Variants in SLC2A13 observed in about 807,000 individuals in gnomAD.
SLC2A13 encodes the protein proton myo-inositol cotransporter.
Under a neutral mutation model 64.4 loss-of-function variants are expected in SLC2A13, and 32 were observed. That is an observed-to-expected ratio of 0.50 (90% CI 0.37 to 0.67). The LOEUF (loss-of-function observed/expected upper bound fraction) is 0.67. SLC2A13 is among the 30% of genes least tolerant of loss of function. The pLI is 0.00. For missense variants in SLC2A13, 743 were observed against 829.2 expected (o/e 0.90, Z 1.28); for synonymous variants, 338 against 327.1 (o/e 1.03, Z -0.36).
At chr12:40,035,730 A>C (rs1947973835) in intron 2 of SLC2A13, among the ~76,000 whole-genome samples, 3 of 152,232 alleles carry the variant, frequency 2.0e-5, no homozygotes, top group Admixed American at 2.0e-4. Context: ...TAAACATAAC[A>C]AAATATTAAC....
At chr12:40,068,620 A>C (rs1299868873) in intron 1 of SLC2A13, 2 of 160,578 alleles carry the variant, frequency 1.2e-5, no homozygotes, top group African/African-American at 4.8e-5. Context: ...GATGGCCCCC[A>C]ACCAAGAACA....
chr12:40,002,895 C>G (rs183136131), intron 3 of SLC2A13, among the ~76,000 whole-genome samples: 102 of 151,840 alleles, frequency 6.7e-4, no homozygotes, highest in African/African-American at 2.4e-3. Flanking sequence ...GCTTTTCACT[C>G]TCCTTGACAG....
chr12:40,063,040 T>C (rs911403564), intron 1 of SLC2A13, among the ~76,000 whole-genome samples: 5 of 152,164 alleles, frequency 3.3e-5, no homozygotes, highest in Admixed American at 6.6e-5. Context: ...CATCTATTTT[T>C]ACAAGTTATT....
intron 7 of SLC2A13, among the ~76,000 whole-genome samples, chr12:39,781,681 T>C (rs1183081160): frequency 6.6e-6 from 1 of 152,240 alleles, no homozygotes; most frequent in Admixed American, 6.5e-5. Flanking sequence ...TTGGAAGTTA[T>C]ATTTTAACAG....
intron 4 of SLC2A13, among the ~76,000 whole-genome samples, chr12:39,930,432 CA>C (rs1945805978): frequency 6.6e-6 from 1 of 152,034 alleles, no homozygotes; most frequent in Non-Finnish European, 1.5e-5. Flanking sequence ...ATAATTATAT[CA>C]GGGGCAGGAA....
chr12:39,896,433 T>C (rs1003465748), intron 4 of SLC2A13, among the ~76,000 whole-genome samples: 17 of 144,700 alleles, frequency 1.2e-4, no homozygotes, highest in African/African-American at 3.1e-4. Context: ...TGTATATATG[T>C]ATACATATAT....
chr12:39,905,947 T>C (rs1422814917), intron 4 of SLC2A13, among the ~76,000 whole-genome samples: 2 of 152,128 alleles, frequency 1.3e-5, no homozygotes, highest in Non-Finnish European at 2.9e-5. Context: ...TACACTATAT[T>C]TGGTATAAAA....
At chr12:39,993,569 T>C (rs1947175030) in intron 3 of SLC2A13, among the ~76,000 whole-genome samples, 1 of 152,230 alleles carries the variant, frequency 6.6e-6, no homozygotes, top group African/African-American at 2.4e-5. Context: ...CTAACACATA[T>C]CCTTCATAAA....
At chr12:39,914,170 C>T (rs1440593887) in intron 4 of SLC2A13, among the ~76,000 whole-genome samples, 2 of 151,874 alleles carry the variant, frequency 1.3e-5, no homozygotes, top group African/African-American at 4.8e-5. Flanking sequence ...TCTGCATGTC[C>T]GAGGCTGTGT....
At position 39,883,283 on chromosome 12, in the gene SLC2A13, C is replaced by T. The variant is rs143342823; in HGVS notation, c.1035-11322G>A. Among the ~76,000 whole-genome samples, 360 of 152,180 alleles carry T rather than the reference C, an allele frequency of 2.4e-3. 1 individual carries two copies. The highest frequency in any genetic ancestry group is 8.0e-3 in the African/African-American group (332 of 41,518). ...GAGTGTGTCTTAGTTTTTCTGAATA[C>T]GCCTCACCACCATCACTCTCCTGAT... On this transcript the variant is annotated intron_variant, in intron 4 of 9. Transcript: ENST00000280871.
chr12:39,976,021 C>T (rs562403862), intron 3 of SLC2A13, among the ~76,000 whole-genome samples: 4 of 152,288 alleles, frequency 2.6e-5, no homozygotes, highest in South Asian at 2.1e-4. Context: ...CAATCAGATA[C>T]GTGAAACACA....
chr12:40,016,244 T>C (rs1344341110), intron 3 of SLC2A13, among the ~76,000 whole-genome samples: 2 of 152,186 alleles, frequency 1.3e-5, no homozygotes, highest in African/African-American at 4.8e-5. Flanking sequence ...AGGACCATTA[T>C]TAAGCTTAAG....
chr12:39,858,059 G>A (rs1446094375), intron 6 of SLC2A13, among the ~76,000 whole-genome samples: 49 of 152,190 alleles, frequency 3.2e-4, no homozygotes, highest in Admixed American at 3.2e-3. Flanking sequence ...AAATTAAAAA[G>A]TTATGGCGAA....
intron 3 of SLC2A13, among the ~76,000 whole-genome samples, chr12:39,988,730 G>A (rs943319412): frequency 7.3e-6 from 1 of 136,152 alleles, no homozygotes; most frequent in African/African-American, 2.7e-5. Flanking sequence ...AGGAAGGAAG[G>A]GGGGGAGGAA....
chr12:39,985,663 C>T (rs1477067864), intron 3 of SLC2A13, among the ~76,000 whole-genome samples: 2 of 152,084 alleles, frequency 1.3e-5, no homozygotes, highest in Non-Finnish European at 2.9e-5. Flanking sequence ...AGCTTGAATG[C>T]TAAAATGAAA....
intron 7 of SLC2A13, among the ~76,000 whole-genome samples, chr12:39,827,071 T>C (rs1942711349): frequency 6.6e-6 from 1 of 151,816 alleles, no homozygotes; most frequent in South Asian, 2.1e-4. Context: ...TGTCCTCCTG[T>C]ATTTACCAAC....
intron 3 of SLC2A13, among the ~76,000 whole-genome samples, chr12:39,991,481 G>C (rs1038094622): frequency 6.6e-6 from 1 of 152,114 alleles, no homozygotes; most frequent in Non-Finnish European, 1.5e-5. Flanking sequence ...GTCTAGCTAG[G>C]CAATGGGATG....
intron 6 of SLC2A13, among the ~76,000 whole-genome samples, chr12:39,853,545 T>TTTTC (rs201670050): frequency 5.3e-5 from 8 of 151,942 alleles, no homozygotes; most frequent in African/African-American, 1.9e-4. Context: ...CTTTCTTTTC[T>TTTTC]TTTCTTTCTT....
intron 3 of SLC2A13, among the ~76,000 whole-genome samples, chr12:39,952,998 T>A (rs1289022346): frequency 6.6e-6 from 1 of 151,948 alleles, no homozygotes; most frequent in African/African-American, 2.4e-5. Flanking sequence ...GATTTTTTTT[T>A]TAAAAAAAGA....
Sources: allele counts gnomAD v4.1 joint callset (sites outside exome capture counted in the v4.1 genomes callset), GRCh38; gene constraint gnomAD v4.1.1; transcripts MANE v1.5; gene names NCBI Gene and HGNC (gene_info 2026-07-23, HGNC 2026-07-21).